The following ZDHHC13 variants were observed in gnomAD, a reference collection of about 807,000 sequenced individuals.
ZDHHC13 encodes the protein palmitoyltransferase ZDHHC13.
ZDHHC13 carries 85 observed loss-of-function variants against 86.0 expected under a neutral mutation model. The observed-to-expected ratio is 0.99, with a 90% CI of 0.83 to 1.18. ZDHHC13 has a LOEUF of 1.18. Ranked by LOEUF, ZDHHC13 falls within the 50% of genes most tolerant of loss-of-function variation. ZDHHC13 has a pLI of 0.00. For synonymous variants in ZDHHC13, 263 were observed against 246.4 expected (o/e 1.07, Z -0.63); for missense variants, 711 against 730.2 (o/e 0.97, Z 0.30).
chr11:19,138,973 A>C (rs1267261007), intron 1 of ZDHHC13, among the ~76,000 whole-genome samples: 1 of 151,986 alleles, frequency 6.6e-6, no homozygotes, highest in Non-Finnish European at 1.5e-5. Flanking sequence ...AATGGGCAAA[A>C]ACTGGAAGCA....
intron 13 of ZDHHC13, 146 bp downstream of exon 13, chr11:19,165,291 C>A: frequency 1.4e-6 from 1 of 700,912 alleles, no homozygotes. Flanking sequence ...CGTTATTATG[C>A]TACAGGTAAC....
chr11:19,148,053 A>G (rs554901647), intron 4 of ZDHHC13, among the ~76,000 whole-genome samples: 294 of 152,296 alleles, frequency 1.9e-3, no homozygotes, highest in African/African-American at 6.7e-3. Context: ...AATGTGAAGT[A>G]TATCTCTATA....
At chr11:19,141,744 A>T (rs1348498951) in intron 1 of ZDHHC13, among the ~76,000 whole-genome samples, 2 of 146,924 alleles carry the variant, frequency 1.4e-5, no homozygotes, top group African/African-American at 2.5e-5. Flanking sequence ...TCAGTGTTTG[A>T]GATTAGAAAC....
At chr11:19,145,261 A>G (rs1472848455) in intron 2 of ZDHHC13, among the ~76,000 whole-genome samples, 1 of 152,168 alleles carries the variant, frequency 6.6e-6, no homozygotes, top group Non-Finnish European at 1.5e-5. Flanking sequence ...CAAGCCCATC[A>G]TTCCTTTTCT....
chr11:19,170,372 T>C, intron 14 of ZDHHC13, 39 bp from the exon 15 acceptor site: 2 of 1,472,852 alleles, frequency 1.4e-6, no homozygotes, highest in East Asian at 2.6e-5. Context: ...AGTAGTTTAT[T>C]GCCTTTTTTT....
In ZDHHC13 at chr11:19,146,336, TA is replaced by T. The variant is rs759832800; in HGVS notation, c.296+34del. On this transcript the variant is annotated intron_variant, in intron 3 of 16. Transcript: ENST00000446113. ...GGGATATGTGTGTTAATTGTGTATT[TA>T]TAATTTTAGACCTCTCCTTCATTTA... 2.3e-5 allele frequency: 36 copies of T among 1,596,008 alleles called. No homozygotes were observed. The African/African-American group carries it at 4.2e-4, about 19-fold the overall frequency.
At chr11:19,175,690 A>T in intron 16 of ZDHHC13, 132 bp from the exon 17 acceptor site, 2 of 990,200 alleles carry the variant, frequency 2.0e-6, no homozygotes, top group South Asian at 3.3e-5. Context: ...GAACTATCTG[A>T]TCTACCCCAT....
intron 14 of ZDHHC13, chr11:19,168,327 C>T (rs1565042968): frequency 1.3e-5 from 2 of 152,202 alleles, no homozygotes; most frequent in East Asian, 3.9e-4. Flanking sequence ...TCTTCTCTCT[C>T]TTCACTAAAA....
intron 1 of ZDHHC13, among the ~76,000 whole-genome samples, chr11:19,136,760 A>C (rs1849154070): frequency 6.6e-6 from 1 of 152,112 alleles, no homozygotes; most frequent in Non-Finnish European, 1.5e-5. Context: ...GTGGGGGCCA[A>C]TATTCAACAT....
chr11:19,148,281 A>G (rs763977355), intron 4 of ZDHHC13, among the ~76,000 whole-genome samples: 7 of 151,806 alleles, frequency 4.6e-5, no homozygotes, highest in African/African-American at 9.7e-5. Flanking sequence ...GTTGACAGGA[A>G]TCTGAAACTG....
rs1157806885 is a variant in ZDHHC13 at position 19,163,301 on chromosome 11, A to G, written c.1109-2A>G. On this transcript the variant is annotated splice_acceptor_variant, in intron 10 of 16. Transcript: ENST00000446113. LOFTEE classifies it high-confidence loss of function. ...TGGTGTATTCCTTAACTTGGCTTTA[A>G]CATTTAGCAGGAGCCCCTTTCTATT... is the stretch of plus-strand genomic sequence containing the variant. 9 of 1,577,730 alleles carry G rather than the reference A, an allele frequency of 5.7e-6. No homozygotes were observed. Among genetic ancestry groups the G allele is most frequent in the Non-Finnish European group, 7.7e-6 (9 of 1,168,326 alleles).
chr11:19,155,776 A>G lies in ZDHHC13; in HGVS notation c.874-20A>G. On this transcript the variant is annotated intron_variant, in intron 8 of 16. Coordinates refer to ENST00000446113, the MANE Select transcript of ZDHHC13 (RefSeq NM_019028.3). ...AGAGGTAAAATCCATAAAGTTCTAA[A>G]ATTCTGAATCTCTTAATAGCTCTTC... 1 of 1,605,138 alleles carries G rather than the reference A, an allele frequency of 6.2e-7. No homozygotes were observed. The highest frequency in any genetic ancestry group is 8.5e-7 in the Non-Finnish European group (1 of 1,178,166).
intron 16 of ZDHHC13, among the ~76,000 whole-genome samples, chr11:19,173,960 G>A (rs934583620): frequency 6.6e-6 from 1 of 152,152 alleles, no homozygotes; most frequent in Non-Finnish European, 1.5e-5. Context: ...GAACTCAAGG[G>A]AAAACCTGAG....
intron 2 of ZDHHC13, among the ~76,000 whole-genome samples, chr11:19,143,783 T>A (rs764275340): frequency 7.2e-5 from 11 of 152,220 alleles, no homozygotes; most frequent in Non-Finnish European, 1.0e-4. Context: ...ATTTTCACCT[T>A]CATGGATCTT....
At chr11:19,146,387 G>A (rs1335496743) in intron 3 of ZDHHC13, 84 bp downstream of exon 3, 1 of 1,456,136 alleles carries the variant, frequency 6.9e-7, no homozygotes, top group Non-Finnish European at 9.1e-7. Context: ...TATGGGTATT[G>A]AACCATGTGT....
intron 5 of ZDHHC13, among the ~76,000 whole-genome samples, chr11:19,150,487 TCA>T (rs921816928): frequency 4.6e-5 from 7 of 152,158 alleles, no homozygotes; most frequent in Non-Finnish European, 1.0e-4. Context: ...TTAACTGTGT[TCA>T]CATCATATAA....
intron 13 of ZDHHC13, among the ~76,000 whole-genome samples, chr11:19,165,821 G>T (rs1219585909): frequency 6.6e-6 from 1 of 152,224 alleles, no homozygotes; most frequent in Non-Finnish European, 1.5e-5. Context: ...TACTGGGTAT[G>T]ATTTGTCCAA....
chr11:19,133,942 T>TATATGTATATATATATATATATATAC, intron 1 of ZDHHC13, among the ~76,000 whole-genome samples: 3 of 96,074 alleles, frequency 3.1e-5, no homozygotes, highest in African/African-American at 1.0e-4. Context: ...TATATATATA[T>TATATGTATATATATATATATATATAC]ACACGTATGT....
intron 14 of ZDHHC13, chr11:19,169,399 T>G: frequency 3.0e-6 from 3 of 985,450 alleles, no homozygotes; most frequent in Non-Finnish European, 3.6e-6. Context: ...GAAAGATGGT[T>G]GGGAATCAGA....
Sources: gnomAD v4.1 joint callset for allele counts (sites outside exome capture counted in the v4.1 genomes callset) on GRCh38, gnomAD v4.1.1 for gene constraint, MANE v1.5 for transcripts, NCBI Gene and HGNC (gene_info 2026-07-23, HGNC 2026-07-21) for gene names.